CTLA4: variants seen among roughly 807,000 people sequenced by gnomAD.
CTLA4 encodes cytotoxic T-lymphocyte protein 4.
CTLA4 carries 3 observed loss-of-function variants against 20.4 expected under a neutral mutation model. The ratio of observed to expected loss-of-function variants is 0.15; its 90% CI spans 0.07 to 0.38. CTLA4 has a LOEUF of 0.38. Among genes scored for constraint, CTLA4 ranks in the 10% least tolerant of loss-of-function variants. The pLI is 1.00. For missense variants in CTLA4, 184 were observed against 276.8 expected (o/e 0.66, Z 2.38); for synonymous variants, 100 against 105.2 (o/e 0.95, Z 0.30).
In CTLA4 at chr2:203,873,168, T is replaced by C; in HGVS notation, c.*356T>C. ...GGGAGAAGACTATATTGTACACACC[T>C]TATATTTACGTATGAGACGTTTATA... On this transcript the variant is annotated 3_prime_UTR_variant, in exon 4 of 4. Transcript: ENST00000648405. 1 of 406,580 alleles carries C rather than the reference T, an allele frequency of 2.5e-6. No homozygotes were observed. Among genetic ancestry groups the C allele is most frequent in the Non-Finnish European group, 4.3e-6 (1 of 230,194 alleles). 25.2% of individuals were successfully genotyped at this position (406,580 alleles called of 1,614,324 possible).
chr2:203,872,200 T>A (rs1380564515), intron 3 of CTLA4, among the ~76,000 whole-genome samples: 1 of 152,150 alleles, frequency 6.6e-6, no homozygotes, highest in Non-Finnish European at 1.5e-5. Flanking sequence ...CTTCTTCTCT[T>A]CCTCTTCCTT....
chr2:203,871,035 T>C, intron 2 of CTLA4, 102 bp downstream of exon 2: 2 of 946,846 alleles, frequency 2.1e-6, no homozygotes, highest in Non-Finnish European at 3.2e-6. Flanking sequence ...CTTTTAGGAC[T>C]GTGGACATTC....
rs1581571876 is a variant in CTLA4, at chr2:203,868,007, G to T, written c.65G>T (p.Cys22Phe). The change falls in exon 1 of 4, where the codon TGC becomes TTC. Residue 22 changes from cysteine (C) to phenylalanine (F), a missense_variant. Cys to Phe is a radical substitution (Grantham distance 205). This residue lies in a region of CTLA4 where 35 missense variants were observed against 36.6 expected (regional missense o/e 0.96). Coordinates refer to ENST00000648405, the MANE Select transcript of CTLA4 (RefSeq NM_005214.5). The stretch of plus-strand genomic sequence containing the variant: ...AACCTGGCTACCAGGACCTGGCCCT[G>T]CACTCTCCTGTTTTTTCTTCTCTTC... ...QLNLATRTWP[C>F]TLLFFLLFIP... The T allele has an allele frequency of 6.2e-7, 1 of 1,614,106 alleles. No individual in the cohort carries two copies. Among genetic ancestry groups the T allele is most frequent in the Middle Eastern group, 1.6e-4 (1 of 6,062 alleles).
intron 2 of CTLA4, 105 bp from the exon 3 acceptor site, chr2:203,871,273 C>T: frequency 1.0e-6 from 1 of 990,294 alleles, no homozygotes; most frequent in Middle Eastern, 2.4e-4. Flanking sequence ...AGGGGTGGAC[C>T]TCAAGGCCTG....
Position 203,873,318 on chromosome 2 carries a change from G to T in CTLA4, c.*506G>T. The T allele has an allele frequency of 5.5e-6, 1 of 183,408 alleles. No homozygotes were observed. The highest frequency in any genetic ancestry group is 3.2e-4 in the South Asian group (1 of 3,116). The allele number at this position is 183,408 out of a possible 1,614,324, so 11.4% of individuals were successfully genotyped here. ...AGCCAGTGATGCTAAAGGTTGTATT[G>T]CATATATACATATATATATATATAT... On this transcript the variant is annotated 3_prime_UTR_variant, in exon 4 of 4. Transcript: ENST00000648405.
chr2:203,871,281 C>T, intron 2 of CTLA4, 97 bp from the exon 3 acceptor site: 1 of 1,085,178 alleles, frequency 9.2e-7, no homozygotes, highest in South Asian at 1.4e-5. Flanking sequence ...ACCTCAAGGC[C>T]TGGAAGCTCT....
Position 203,870,997 on chromosome 2 carries a change from G to GT in CTLA4, c.457+68dup. On this transcript the variant is annotated intron_variant, in intron 2 of 3. Transcript: ENST00000648405. This position sits in a 1 kb window ranked among gnomAD's most constrained non-coding sequence, Gnocchi z 5.3. Reference sequence around the variant, plus strand: ...TTGCAGTCTTCTATGCACAAAAACAGTTTTGTTCCTTAATTTCAGGAGGTT... The same window carrying GT: ...TTGCAGTCTTCTATGCACAAAAACAGTTTTTGTTCCTTAATTTCAGGAGGTT... 7.6e-7 allele frequency: 1 copy of GT among 1,308,042 alleles called. No individual in the cohort carries two copies. The highest frequency in any genetic ancestry group is 1.1e-6 in the Non-Finnish European group (1 of 935,740). The allele number at this position is 1,308,042 out of a possible 1,614,324, so 81.0% of individuals were successfully genotyped here.
rs34162447 is a variant in CTLA4 at position 203,872,846 on chromosome 2, A to G, written c.*34A>G. The G allele has an allele frequency of 7.8e-4, 1,070 of 1,374,158 alleles. 1 individual carries two copies. Among genetic ancestry groups the G allele is most frequent in the Non-Finnish European group, 5.8e-4 (560 of 964,458 alleles). The allele number at this position is 1,374,158 out of a possible 1,614,324, so 85.1% of individuals were successfully genotyped here. ...TATGAAGAAGAGAGTCCATATTTCA[A>G]TTTCCAAGAGCTGAGGCAATTCTAA... is the stretch of plus-strand genomic sequence containing the variant. On this transcript the variant is annotated 3_prime_UTR_variant, in exon 4 of 4. Coordinates refer to ENST00000648405, the MANE Select transcript of CTLA4 (RefSeq NM_005214.5).
chr2:203,869,891 A>G (rs2105774433), intron 1 of CTLA4, among the ~76,000 whole-genome samples: 1 of 152,180 alleles, frequency 6.6e-6, no homozygotes, highest in East Asian at 1.9e-4. Context: ...AGCCCACAGG[A>G]GTTAACAGCA....
At chr2:203,869,079 GA>G (rs1688681401) in intron 1 of CTLA4, among the ~76,000 whole-genome samples, 1 of 152,184 alleles carries the variant, frequency 6.6e-6, no homozygotes, top group African/African-American at 2.4e-5. Context: ...AGTTGAGTGT[GA>G]CCGCATTTAG....
In CTLA4 at chr2:203,872,756, C is replaced by G. The variant is rs1245023275; in HGVS notation, c.616C>G (p.Pro206Ala). 1 of 1,613,718 alleles carries G rather than the reference C, an allele frequency of 6.2e-7. No individual in the cohort carries two copies. Among genetic ancestry groups the G allele is most frequent in the Admixed American group, 1.7e-5 (1 of 60,016 alleles). The change falls in exon 4 of 4, where the codon CCA (proline) becomes GCA (alanine). Residue 206 changes from proline to alanine, a missense_variant. Transcript: ENST00000648405. ...LTTGVYVKMP[P>A]TEPECEKQFQ... The stretch of plus-strand genomic sequence containing the variant: ...AACAGGGGTCTATGTGAAAATGCCC[C>G]CAACAGAGCCAGAATGTGAAAAGCA...
chr2:203,871,450 A>T lies in CTLA4; in HGVS notation c.530A>T (p.Tyr177Phe). The T allele has an allele frequency of 6.2e-7, 1 of 1,614,028 alleles. No homozygotes were observed. The highest frequency in any genetic ancestry group is 1.1e-5 in the South Asian group (1 of 91,066). ...LAAVSSGLFFYSFLLTAVSLS... is the reference protein window; with the variant it reads ...LAAVSSGLFFFSFLLTAVSLS... ...GCAGTTAGTTCGGGGTTGTTTTTTT[A>T]TAGCTTTCTCCTCACAGCTGTTTCT... The change falls in exon 3 of 4, where the codon TAT (tyrosine) becomes TTT (phenylalanine). Residue 177 changes from tyrosine to phenylalanine, a missense_variant. Around this residue, in one of 3 missense-constraint regions of CTLA4, gnomAD observed 147 missense variants for 223.4 expected, o/e 0.66. Transcript: ENST00000648405.
Position 203,872,927 on chromosome 2 carries a change from C to G in CTLA4, c.*115C>G, listed in dbSNP as rs1688760412. 2 of 701,430 alleles carry G rather than the reference C, an allele frequency of 2.9e-6. No homozygotes were observed. Among genetic ancestry groups the G allele is most frequent in the Non-Finnish European group, 4.9e-6 (2 of 405,162 alleles). The allele number at this position is 701,430 out of a possible 1,614,324, so 43.5% of individuals were successfully genotyped here. A position where few individuals can be genotyped will look rare whatever the true frequency, so the allele number is the denominator to read the frequency against. On this transcript the variant is annotated 3_prime_UTR_variant, in exon 4 of 4. Transcript: ENST00000648405. The stretch of plus-strand genomic sequence containing the variant: ...TTGTGCATTTGGGGGGAATTCATCT[C>G]TCTTTAATATAAAGTTGGATGCGGA...
In CTLA4 at chr2:203,871,374, G is replaced by C. The variant is rs1688729306; in HGVS notation, c.458-4G>C. On this transcript the variant is annotated splice_polypyrimidine_tract_variant and splice_region_variant and intron_variant, in intron 2 of 3. Transcript: ENST00000648405. Reference sequence around the variant, plus strand: ...GGGAGGCTCTGCTTTGTTTTCTGTTGCAGATCCAGAACCGTGCCCAGATTC... The same window carrying C: ...GGGAGGCTCTGCTTTGTTTTCTGTTCCAGATCCAGAACCGTGCCCAGATTC... 6.2e-7 allele frequency: 1 copy of C among 1,612,878 alleles called. No homozygotes were observed. The highest frequency in any genetic ancestry group is 8.5e-7 in the Non-Finnish European group (1 of 1,178,872).
In CTLA4 at chr2:203,873,199, A is replaced by C. The variant is rs1368055859; in HGVS notation, c.*387A>C. ...TTACGTATGAGACGTTTATAGCCGA[A>C]ATGATCTTTTCAAGTTAAATTTTAT... On this transcript the variant is annotated 3_prime_UTR_variant, in exon 4 of 4. Transcript: ENST00000648405. 5.0e-6 allele frequency: 2 copies of C among 403,606 alleles called. No individual in the cohort carries two copies. Among genetic ancestry groups the C allele is most frequent in the Non-Finnish European group, 8.7e-6 (2 of 228,606 alleles). 25.0% of individuals were successfully genotyped at this position (403,606 alleles called of 1,614,324 possible).
In CTLA4 at chr2:203,873,517, T is replaced by A. The variant is rs1688776299; in HGVS notation, c.*705T>A. On this transcript the variant is annotated 3_prime_UTR_variant, in exon 4 of 4. Transcript: ENST00000648405. ...AGTTTTGTGGAGGAGCTCAGGACAC[T>A]AATACACCAGGTAGAACACAAGGTC... The A allele has an allele frequency of 4.5e-6, 1 of 220,796 alleles. No homozygotes were observed. Among genetic ancestry groups the A allele is most frequent in the African/African-American group, 2.3e-5 (1 of 44,208 alleles). 13.7% of individuals were successfully genotyped at this position (220,796 alleles called of 1,614,324 possible).
Position 203,871,454 on chromosome 2 carries a change from C to T in CTLA4, c.534C>T (p.Ser178=). The change falls in exon 3 of 4, where the codon AGC becomes AGT. Residue 178 remains serine (S), a synonymous_variant. Transcript: ENST00000648405. ...TTAGTTCGGGGTTGTTTTTTTATAG[C>T]TTTCTCCTCACAGCTGTTTCTTTGA... ...AAVSSGLFFY[S]FLLTAVSLSK... 2 of 1,614,086 alleles carry T rather than the reference C, an allele frequency of 1.2e-6. No homozygotes were observed. The highest frequency in any genetic ancestry group is 2.7e-5 in the African/African-American group (2 of 75,036).
rs1310297644 is a variant in CTLA4, at chr2:203,871,458, C to T, written c.538C>T (p.Leu180Phe). Reference sequence around the variant, plus strand: ...TTCGGGGTTGTTTTTTTATAGCTTTCTCCTCACAGCTGTTTCTTTGAGCAA... The same window carrying T: ...TTCGGGGTTGTTTTTTTATAGCTTTTTCCTCACAGCTGTTTCTTTGAGCAA... ...VSSGLFFYSF[L>F]LTAVSLSKML... The change falls in exon 3 of 4, where the codon CTC becomes TTC. Residue 180 changes from leucine (L) to phenylalanine (F), a missense_variant. By Grantham distance (22) the Leu-to-Phe change is conservative. Around this residue, in one of 3 missense-constraint regions of CTLA4, gnomAD observed 147 missense variants for 223.4 expected, o/e 0.66. Transcript: ENST00000648405. 3 of 1,614,016 alleles carry T rather than the reference C, an allele frequency of 1.9e-6. No individual in the cohort carries two copies. The East Asian group carries it at 6.7e-5, about 36-fold the overall frequency.
In CTLA4 at chr2:203,867,881, T is replaced by C. The variant is rs1688655738; in HGVS notation, c.-62T>C. 3 of 1,255,230 alleles carry C rather than the reference T, an allele frequency of 2.4e-6. No individual in the cohort carries two copies. In the Admixed American group the frequency reaches 5.5e-5, roughly 23 times the overall value. 77.8% of individuals were successfully genotyped at this position (1,255,230 alleles called of 1,614,324 possible). On this transcript the variant is annotated 5_prime_UTR_variant, in exon 1 of 4. Coordinates refer to ENST00000648405, the MANE Select transcript of CTLA4 (RefSeq NM_005214.5). ...TGTGGGTTCAAACACATTTCAAAGC[T>C]TCAGGATCCTGAAAGGTTTTGCTCT...
Sources: gnomAD v4.1 joint callset for allele counts (sites outside exome capture counted in the v4.1 genomes callset) on GRCh38, gnomAD v4.1.1 for gene constraint, gnomAD v4.1.1 regional missense constraint, Gnocchi (gnomAD v3.1) non-coding constraint, MANE v1.5 for transcripts, NCBI Gene and HGNC (gene_info 2026-07-23, HGNC 2026-07-21) for gene names.